Variants in KCNK10 observed in about 807,000 individuals in gnomAD.
KCNK10 encodes potassium channel subfamily K member 10.
KCNK10 carries 25 observed loss-of-function variants against 47.7 expected under a neutral mutation model. The observed-to-expected ratio is 0.52, with a 90% CI of 0.38 to 0.73. KCNK10 has a LOEUF of 0.73. Among genes scored for constraint, KCNK10 ranks in the 30% least tolerant of loss-of-function variants. The pLI is 0.00. For missense variants in KCNK10, 563 were observed against 714.5 expected, an observed-to-expected ratio of 0.79 and a Z score of 2.42; for synonymous variants, 303 against 285.6, an observed-to-expected ratio of 1.06 and a Z score of -0.61.
Position 88,185,591 on chromosome 14 carries a change from T to C in KCNK10, c.1576A>G (p.Thr526Ala), listed in dbSNP as rs747751512. The C allele has an allele frequency of 6.2e-7, 1 of 1,614,130 alleles. No homozygotes were observed. Among genetic ancestry groups the C allele is most frequent in the South Asian group, 1.1e-5 (1 of 91,068 alleles). ...TCCGGCTCCCGGTCTTTGGTGTCCG[T>C]GGGTATCATTCCGTTCTCCAACTCA... ...HAELENGMIP[T>A]DTKDREPENN... The change falls in exon 7 of 7, where the codon ACG (threonine) becomes GCG (alanine). Residue 526 changes from threonine (T) to alanine (A), a missense_variant. By Grantham distance (58) the Thr-to-Ala change is moderately conservative (BLOSUM62 0). Coordinates refer to ENST00000319231, the MANE Select transcript of KCNK10 (RefSeq NM_138317.3). This position sits in a 1 kb window ranked among gnomAD's most constrained non-coding sequence, Gnocchi z 4.3.
In KCNK10 at chr14:88,305,340, C is replaced by T. The variant is rs1285999394; in HGVS notation, c.52+17407G>A. 3.3e-5 allele frequency among the ~76,000 whole-genome samples: 5 copies of T among 152,268 alleles called. No individual in the cohort carries two copies. In the East Asian group the frequency reaches 7.7e-4, roughly 23 times the overall value. On this transcript the variant is annotated intron_variant, in intron 1 of 6. Coordinates refer to ENST00000319231, the MANE Select transcript of KCNK10 (RefSeq NM_138317.3). ...GCAACTTTATAAAACACAAGAATTA[C>T]CATAAATGATGAGAATCAACTGTAC...
intron 2 of KCNK10, among the ~76,000 whole-genome samples, chr14:88,246,755 A>T (rs1355993914): frequency 6.6e-6 from 1 of 152,208 alleles, no homozygotes; most frequent in Non-Finnish European, 1.5e-5. Context: ...TCTTGGATAA[A>T]GCGGTAACCA....
upstream of KCNK10, among the ~76,000 whole-genome samples, chr14:88,324,502 C>T (rs1209209222): frequency 6.6e-6 from 1 of 152,226 alleles, no homozygotes; most frequent in Non-Finnish European, 1.5e-5. Flanking sequence ...GATAAGGTTA[C>T]TAAAATTTGT....
Position 88,322,579 on chromosome 14 carries a change from G to A in KCNK10, c.52+168C>T, listed in dbSNP as rs909770089. Among the ~76,000 whole-genome samples, 15 of 152,140 alleles carry A rather than the reference G, an allele frequency of 9.9e-5. No individual in the cohort carries two copies. Among genetic ancestry groups the A allele is most frequent in the Admixed American group, 1.3e-4 (2 of 15,280 alleles). ...GTAATGACAGGCACTATCTGGGTTCGGAACCCACGCTGCCTCCGCCCTCCT... is the reference window on the plus strand; with the variant it reads ...GTAATGACAGGCACTATCTGGGTTCAGAACCCACGCTGCCTCCGCCCTCCT... On this transcript the variant is annotated intron_variant, in intron 1 of 6. Coordinates refer to ENST00000319231, the MANE Select transcript of KCNK10 (RefSeq NM_138317.3). This position sits in a 1 kb window ranked among gnomAD's most constrained non-coding sequence, Gnocchi z 4.8.
Position 88,257,905 on chromosome 14 carries a change from AG to A in KCNK10, c.402+5296del, listed in dbSNP as rs935046886. On this transcript the variant is annotated intron_variant, in intron 2 of 6. Transcript: ENST00000319231. ...GTTGAACTGGATAATTCTTTGTGGG[AG>A]GGGGGGTCTATGCTGTGCATTGTAG... Among the ~76,000 whole-genome samples the A allele has an allele frequency of 5.3e-5, 8 of 151,996 alleles. No homozygotes were observed. The South Asian group carries it at 1.5e-3, about 28-fold the overall frequency.
intron 2 of KCNK10, among the ~76,000 whole-genome samples, chr14:88,245,408 T>C (rs17124344): frequency 0.068 from 10,410 of 152,190 alleles, 862 homozygotes; most frequent in African/African-American, 0.2. Context: ...GAGGCGGGTC[T>C]GTAGCTGATG....
chr14:88,231,616 T>G (rs1886161395), intron 3 of KCNK10, among the ~76,000 whole-genome samples: 1 of 152,202 alleles, frequency 6.6e-6, no homozygotes, highest in Non-Finnish European at 1.5e-5. Context: ...GAAAAGCTAG[T>G]TACGGGGGAC....
In KCNK10 at chr14:88,260,840, A is replaced by G. The variant is rs1887089703; in HGVS notation, c.402+2362T>C. ...TGTATGTGCAAACACATTCACACAAACGCACACATACACACACATATCTCA... is the reference window on the plus strand; with the variant it reads ...TGTATGTGCAAACACATTCACACAAGCGCACACATACACACACATATCTCA... On this transcript the variant is annotated intron_variant, in intron 2 of 6. Transcript: ENST00000319231. The surrounding 1 kb of genome is among the most constrained non-coding windows in gnomAD (Gnocchi z 4.5). Among the ~76,000 whole-genome samples the G allele has an allele frequency of 1.3e-5, 2 of 152,242 alleles. No homozygotes were observed. Among genetic ancestry groups the G allele is most frequent in the South Asian group, 4.1e-4 (2 of 4,832 alleles).
At chr14:88,291,147 C>A (rs918003054) in intron 1 of KCNK10, among the ~76,000 whole-genome samples, 2 of 152,206 alleles carry the variant, frequency 1.3e-5, no homozygotes, top group African/African-American at 4.8e-5. Flanking sequence ...AACTCCTGGT[C>A]GTGGAAACCA....
intron 4 of KCNK10, among the ~76,000 whole-genome samples, chr14:88,195,823 CA>C (rs999180188): frequency 2.0e-5 from 3 of 152,178 alleles, no homozygotes; most frequent in Admixed American, 2.0e-4. Flanking sequence ...CTGAGAGGCA[CA>C]AACCTCACTC....
intron 5 of KCNK10, 28 bp downstream of exon 5, chr14:88,192,196 C>A: frequency 6.3e-7 from 1 of 1,575,160 alleles, no homozygotes; most frequent in South Asian, 1.2e-5. Context: ...GCCAGAGCCC[C>A]AGTGCCTGGC....
intron 4 of KCNK10, among the ~76,000 whole-genome samples, chr14:88,194,243 G>T (rs1160394964): frequency 6.6e-6 from 1 of 152,186 alleles, no homozygotes; most frequent in South Asian, 2.1e-4. Flanking sequence ...TGCAGGGAAA[G>T]TTTTGTCTAT....
intron 1 of KCNK10, chr14:88,270,855 A>G (rs774720928): frequency 2.7e-5 from 21 of 780,410 alleles, no homozygotes; most frequent in Admixed American, 5.1e-5. Flanking sequence ...ACCCTTGCTA[A>G]CAATGCTCTG....
In KCNK10 at chr14:88,185,517, G is replaced by T; in HGVS notation, c.*18C>A. 6.2e-7 allele frequency: 1 copy of T among 1,607,174 alleles called. No homozygotes were observed. The highest frequency in any genetic ancestry group is 1.1e-5 in the South Asian group (1 of 89,908). On this transcript the variant is annotated 3_prime_UTR_variant, in exon 7 of 7. Coordinates refer to ENST00000319231, the MANE Select transcript of KCNK10 (RefSeq NM_138317.3). The surrounding 1 kb of genome is among the most constrained non-coding windows in gnomAD (Gnocchi z 4.3). ...CACACACACACAACGCTCAGTCCAA[G>T]ACCAATGTCCTTCACATTTAGTTTC...
chr14:88,271,039 A>G, intron 1 of KCNK10: 1 of 508,736 alleles, frequency 2.0e-6, no homozygotes, highest in African/African-American at 1.9e-5. Flanking sequence ...CACCTGTCCC[A>G]GAGAAACAGG....
At chr14:88,310,478 T>A (rs958766466) in intron 1 of KCNK10, among the ~76,000 whole-genome samples, 1 of 152,066 alleles carries the variant, frequency 6.6e-6, no homozygotes, top group African/African-American at 2.4e-5. Flanking sequence ...CTGATAGTCA[T>A]GGGAAGGAGT....
chr14:88,261,890 A>G (rs1264077179), intron 2 of KCNK10, among the ~76,000 whole-genome samples: 1 of 152,224 alleles, frequency 6.6e-6, no homozygotes, highest in Non-Finnish European at 1.5e-5. Flanking sequence ...GGGCATAGCT[A>G]TGAAATCATA....
chr14:88,301,926 G>A (rs1439933540), intron 1 of KCNK10, among the ~76,000 whole-genome samples: 6 of 152,268 alleles, frequency 3.9e-5, no homozygotes, highest in East Asian at 3.9e-4. Flanking sequence ...GCTGTTCCAC[G>A]GAGGATCAAT....
chr14:88,275,712 A>G (rs1487327306), intron 1 of KCNK10, among the ~76,000 whole-genome samples: 1 of 150,878 alleles, frequency 6.6e-6, no homozygotes, highest in Non-Finnish European at 1.5e-5. Context: ...AAAAAAAAAA[A>G]AAAAATTAGC....
Sources: allele counts gnomAD v4.1 joint callset (sites outside exome capture counted in the v4.1 genomes callset), GRCh38; gene constraint gnomAD v4.1.1; non-coding constraint Gnocchi (gnomAD v3.1); transcripts MANE v1.5; gene names NCBI Gene and HGNC (gene_info 2026-07-23, HGNC 2026-07-21).